The following PCCA variants were observed in gnomAD, a reference collection of about 807,000 sequenced individuals.
The protein encoded by PCCA is propionyl-CoA carboxylase subunit alpha.
In PCCA, 74 loss-of-function variants were observed where a neutral mutation model predicts 101.3. That is an observed-to-expected ratio of 0.73 (90% CI 0.61 to 0.89). The LOEUF (loss-of-function observed/expected upper bound fraction) is 0.89. Among genes scored for constraint, PCCA ranks in the 40% least tolerant of loss-of-function variants. The pLI is 0.00. For synonymous variants in PCCA, 294 were observed against 313.6 expected, an observed-to-expected ratio of 0.94 and a Z score of 0.66; for missense variants, 891 against 907.0, an observed-to-expected ratio of 0.98 and a Z score of 0.23.
intron 8 of PCCA, among the ~76,000 whole-genome samples, chr13:100,255,268 A>G (rs1345581277): frequency 6.6e-6 from 1 of 152,148 alleles, no homozygotes; most frequent in Non-Finnish European, 1.5e-5. Context: ...TTCTCTAATG[A>G]CTTCCCACCT....
intron 17 of PCCA, among the ~76,000 whole-genome samples, chr13:100,331,981 C>T (rs9513750): frequency 0.43 from 62,074 of 142,846 alleles, 13,864 homozygotes; most frequent in Middle Eastern, 0.54. Flanking sequence ...GCTCTTTTGC[C>T]CAGGCTGGAG....
At chr13:100,505,291 G>A (rs1303435999) in intron 21 of PCCA, among the ~76,000 whole-genome samples, 1 of 152,176 alleles carries the variant, frequency 6.6e-6, no homozygotes, top group East Asian at 1.9e-4. Context: ...ACATTGCCCA[G>A]ATATGCTCGA....
chr13:100,269,573 T>C (rs558915106), intron 11 of PCCA, among the ~76,000 whole-genome samples: 1 of 152,170 alleles, frequency 6.6e-6, no homozygotes, highest in Non-Finnish European at 1.5e-5. Context: ...GGGGCCTCAT[T>C]TCTCATTTGA....
intron 18 of PCCA, among the ~76,000 whole-genome samples, chr13:100,360,941 G>A (rs565916594): frequency 1.3e-5 from 2 of 152,206 alleles, no homozygotes; most frequent in South Asian, 4.2e-4. Flanking sequence ...TGGTATGTCC[G>A]TACAATGGAA....
Position 100,378,966 on chromosome 13 carries a change from C to G in PCCA, c.1746+10392C>G, listed in dbSNP as rs185206636. On this transcript the variant is annotated intron_variant, in intron 19 of 23. Transcript: ENST00000376285. ...TCTGTTGCTGCAGACTTATTGTATT[C>G]CTTTGGAGGTATCATATTCCCTTGC... Among the ~76,000 whole-genome samples, 257 of 152,076 alleles carry G rather than the reference C, an allele frequency of 1.7e-3. 1 individual carries two copies. The highest frequency in any genetic ancestry group is 3.4e-3 in the Middle Eastern group (1 of 294).
chr13:100,336,497 G>A (rs1374639106), intron 17 of PCCA, among the ~76,000 whole-genome samples: 4 of 152,174 alleles, frequency 2.6e-5, no homozygotes, highest in Non-Finnish European at 5.9e-5. Flanking sequence ...CCAGTAATTA[G>A]TGGCTTAATG....
intron 7 of PCCA, among the ~76,000 whole-genome samples, chr13:100,215,724 G>T (rs982772836): frequency 6.6e-6 from 1 of 151,660 alleles, no homozygotes; most frequent in African/African-American, 2.4e-5. Flanking sequence ...TGTAACCTCC[G>T]TCCACCCTGG....
chr13:100,423,831 T>C (rs10454528), intron 19 of PCCA, among the ~76,000 whole-genome samples: 1 of 152,222 alleles, frequency 6.6e-6, no homozygotes, highest in Non-Finnish European at 1.5e-5. Context: ...TTGGGAATGA[T>C]GCTTAGATCT....
chr13:100,524,766 G>A (rs750481853), intron 22 of PCCA, among the ~76,000 whole-genome samples: 53 of 152,140 alleles, frequency 3.5e-4, no homozygotes, highest in Non-Finnish European at 6.3e-4. Context: ...CAGCTACTCA[G>A]GAGGCTGAGG....
chr13:100,351,339 G>T (rs1342510307), intron 18 of PCCA, among the ~76,000 whole-genome samples: 1 of 152,152 alleles, frequency 6.6e-6, no homozygotes, highest in African/African-American at 2.4e-5. Context: ...GATTGTCAGT[G>T]AGATAAGTAA....
rs560229217 is a variant in PCCA, at chr13:100,383,672, C to CT, written c.1746+15099dup. 1.1e-3 allele frequency among the ~76,000 whole-genome samples: 165 copies of CT among 151,908 alleles called. 6 individuals carry two copies. In the South Asian group the frequency reaches 0.031, roughly 29 times the overall value. On this transcript the variant is annotated intron_variant, in intron 19 of 23. Transcript: ENST00000376285. ...GCTTTTGTGTACAAGAGAGTTTGTG[C>CT]TACATTTTGTTTTCTTTATAATGTT...
chr13:100,169,809 C>T (rs1462564806), intron 6 of PCCA, among the ~76,000 whole-genome samples: 2 of 151,850 alleles, frequency 1.3e-5, no homozygotes, highest in Non-Finnish European at 2.9e-5. Context: ...AAGCAATTCT[C>T]CTGCCTCAGC....
intron 8 of PCCA, among the ~76,000 whole-genome samples, chr13:100,240,158 A>G (rs2061031101): frequency 6.6e-6 from 1 of 152,166 alleles, no homozygotes; most frequent in African/African-American, 2.4e-5. Context: ...GATATATTTC[A>G]TCTCATCCCA....
intron 7 of PCCA, among the ~76,000 whole-genome samples, chr13:100,221,811 C>T (rs1361340890): frequency 6.9e-6 from 1 of 144,588 alleles, no homozygotes; most frequent in Non-Finnish European, 1.5e-5. Context: ...GATCTCAGCT[C>T]ACTGCAACCT....
chr13:100,247,215 GTTTT>G (rs143058621), intron 8 of PCCA, among the ~76,000 whole-genome samples: 3 of 108,246 alleles, frequency 2.8e-5, no homozygotes, highest in African/African-American at 3.7e-5. Context: ...GCCTGTGTGG[GTTTT>G]TTTTTTTTTT....
At chr13:100,284,996 T>C (rs2064481694) in intron 12 of PCCA, among the ~76,000 whole-genome samples, 1 of 152,230 alleles carries the variant, frequency 6.6e-6, no homozygotes, top group Non-Finnish European at 1.5e-5. Flanking sequence ...ACTTTCTAGC[T>C]GATCAAGGGT....
intron 21 of PCCA, among the ~76,000 whole-genome samples, chr13:100,472,661 G>A (rs1450758598): frequency 6.6e-6 from 1 of 152,120 alleles, no homozygotes; most frequent in African/African-American, 2.4e-5. Context: ...TTTGAATAAT[G>A]ATGGTGGGCT....
chr13:100,094,228 C>CAAAA (rs1219610982), intron 1 of PCCA, among the ~76,000 whole-genome samples: 2 of 53,976 alleles, frequency 3.7e-5, no homozygotes, highest in African/African-American at 6.5e-5. Flanking sequence ...AAATCTGTCT[C>CAAAA]AAAAAAAAAA....
intron 22 of PCCA, among the ~76,000 whole-genome samples, chr13:100,518,666 T>C (rs2087012835): frequency 6.6e-6 from 1 of 152,158 alleles, no homozygotes; most frequent in Non-Finnish European, 1.5e-5. Flanking sequence ...AATAAGAAAG[T>C]ACAGTGGATT....
Sources: allele counts gnomAD v4.1 joint callset (sites outside exome capture counted in the v4.1 genomes callset), GRCh38; gene constraint gnomAD v4.1.1; transcripts MANE v1.5; gene names NCBI Gene and HGNC (gene_info 2026-07-23, HGNC 2026-07-21).